The following ST7L variants were observed in gnomAD, a reference collection of about 807,000 sequenced individuals.
ST7L encodes suppressor of tumorigenicity 7 protein-like.
Under a neutral mutation model 72.5 loss-of-function variants are expected in ST7L, and 57 were observed. The ratio of observed to expected loss-of-function variants is 0.79; its 90% CI spans 0.64 to 0.98. The LOEUF (loss-of-function observed/expected upper bound fraction) is 0.98. Among genes scored for constraint, ST7L ranks in the 50% least tolerant of loss-of-function variants. The probability of loss-of-function intolerance (pLI) is 0.00; values close to 1 mark genes in which losing one functional copy is unlikely to be tolerated. For missense variants in ST7L, 576 were observed against 672.2 expected (o/e 0.86, Z 1.58); for synonymous variants, 221 against 240.9 (o/e 0.92, Z 0.77).
intron 11 of ST7L, among the ~76,000 whole-genome samples, chr1:112,574,431 G>A (rs1375798701): frequency 1.3e-5 from 2 of 151,712 alleles, no homozygotes; most frequent in Non-Finnish European, 2.9e-5. Flanking sequence ...AGGCCAAGGC[G>A]GGCGGATCAC....
intron 12 of ST7L, among the ~76,000 whole-genome samples, chr1:112,552,032 A>G (rs1361505192): frequency 6.6e-6 from 1 of 152,212 alleles, no homozygotes; most frequent in Non-Finnish European, 1.5e-5. Context: ...GCACGGCCAG[A>G]GCCTATCCTG....
intron 11 of ST7L, among the ~76,000 whole-genome samples, chr1:112,568,861 A>AATATAAATATAAATAAAT (rs61349207): frequency 2.6e-5 from 3 of 114,918 alleles, no homozygotes; most frequent in Non-Finnish European, 5.1e-5. Context: ...TATAAATATA[A>AATATAAATATAAATAAAT]ATATATATAT....
chr1:112,577,876 TAA>T (rs768650117), intron 10 of ST7L, among the ~76,000 whole-genome samples: 4 of 152,180 alleles, frequency 2.6e-5, no homozygotes, highest in Non-Finnish European at 1.5e-5. Context: ...GAGAATTCAC[TAA>T]GAGTAGCCAA....
intron 11 of ST7L, among the ~76,000 whole-genome samples, chr1:112,558,368 G>A (rs1659535733): frequency 6.6e-6 from 1 of 152,112 alleles, no homozygotes; most frequent in Admixed American, 6.5e-5. Context: ...CAAGCAATAA[G>A]ACTCTAGGAA....
Position 112,599,073 on chromosome 1 carries a change from A to AAAAAAATATAT in ST7L, c.507-988_507-987insATATATTTTTT, listed in dbSNP as rs1190968815. ...AGACTCAGCCTCAAAAAAAAAAAAA[A>AAAAAAATATAT]ATATATATATATATATATATATATA... is the stretch of plus-strand genomic sequence containing the variant. On this transcript the variant is annotated intron_variant, in intron 4 of 14. Transcript: ENST00000358039. 1.8e-3 allele frequency among the ~76,000 whole-genome samples: 103 copies of AAAAAAATATAT among 56,974 alleles called. 1 individual carries two copies. The highest frequency in any genetic ancestry group is 2.8e-3 in the East Asian group (3 of 1,070). The allele number at this position is 56,974 out of a possible 152,430, so 37.4% of individuals were successfully genotyped here. A position where few individuals can be genotyped will look rare whatever the true frequency, so the allele number is the denominator to read the frequency against.
intron 6 of ST7L, among the ~76,000 whole-genome samples, chr1:112,588,015 C>G (rs1378106410): frequency 6.6e-6 from 1 of 152,176 alleles, no homozygotes; most frequent in African/African-American, 2.4e-5. Context: ...CTTGCACCTC[C>G]TTGATTAAAT....
chr1:112,606,489 T>C (rs1303511210), intron 3 of ST7L, among the ~76,000 whole-genome samples: 1 of 152,140 alleles, frequency 6.6e-6, no homozygotes, highest in Non-Finnish European at 1.5e-5. Flanking sequence ...CATTTCCACT[T>C]GAGACCTCAC....
chr1:112,590,221 A>G (rs907081582), intron 6 of ST7L, among the ~76,000 whole-genome samples: 1 of 152,210 alleles, frequency 6.6e-6, no homozygotes, highest in African/African-American at 2.4e-5. Context: ...TTTGAAAATA[A>G]GGTCCATTCC....
intron 11 of ST7L, among the ~76,000 whole-genome samples, chr1:112,572,962 C>A (rs1419063099): frequency 2.0e-5 from 3 of 152,066 alleles, no homozygotes; most frequent in African/African-American, 7.2e-5. Flanking sequence ...AAAAACCCAA[C>A]AAAGCCAGAG....
At chr1:112,619,186 T>C (rs1415297095), upstream of ST7L, 1 of 1,462,154 alleles carries the variant, frequency 6.8e-7, no homozygotes, top group East Asian at 2.4e-5. Flanking sequence ...AATCCTGGGA[T>C]AGTGGCGGAC....
chr1:112,567,293 G>C (rs116131251), intron 11 of ST7L, among the ~76,000 whole-genome samples: 3,072 of 151,824 alleles, frequency 0.02, 107 homozygotes, highest in African/African-American at 0.07. Context: ...ATTTTCTTTT[G>C]TAGTATCTGT....
At chr1:112,572,354 C>T (rs1195450988) in intron 11 of ST7L, among the ~76,000 whole-genome samples, 3 of 152,202 alleles carry the variant, frequency 2.0e-5, no homozygotes. Context: ...TCCTCTGAAG[C>T]TTTGAAGCCA....
intron 12 of ST7L, among the ~76,000 whole-genome samples, chr1:112,551,390 C>T (rs892756756): frequency 3.3e-5 from 5 of 152,036 alleles, no homozygotes; most frequent in Admixed American, 3.3e-4. Context: ...CCTTGTGATC[C>T]ACCCACCTCG....
In ST7L at chr1:112,537,753, A is replaced by T. The variant is rs1171440984; in HGVS notation, c.1629+4198T>A. Among the ~76,000 whole-genome samples the T allele has an allele frequency of 2.0e-5, 3 of 152,236 alleles. No individual in the cohort carries two copies. In the East Asian group the frequency reaches 5.8e-4, roughly 29 times the overall value. On this transcript the variant is annotated intron_variant, in intron 14 of 14. Transcript: ENST00000358039. ...TTCCACATCTCCAGGGATTTATGCA[A>T]CACTTTTTCATTGCTCTGTGTCTAA...
intron 3 of ST7L, among the ~76,000 whole-genome samples, chr1:112,609,466 G>A (rs1003138748): frequency 6.6e-6 from 1 of 151,700 alleles, no homozygotes; most frequent in Non-Finnish European, 1.5e-5. Flanking sequence ...AGGAGGCAGA[G>A]GTCGCAGTGA....
chr1:112,569,481 A>G (rs1661684596), intron 11 of ST7L, among the ~76,000 whole-genome samples: 1 of 152,268 alleles, frequency 6.6e-6, no homozygotes, highest in South Asian at 2.1e-4. Flanking sequence ...AGTCCAGAAT[A>G]GGCAAATGCA....
intron 6 of ST7L, among the ~76,000 whole-genome samples, chr1:112,590,658 T>G (rs1665556050): frequency 6.6e-6 from 1 of 152,248 alleles, no homozygotes. Flanking sequence ...TAGATTAGTA[T>G]TTATTGATCT....
intron 11 of ST7L, chr1:112,570,803 A>G: frequency 2.2e-6 from 1 of 453,686 alleles, no homozygotes; most frequent in South Asian, 1.6e-5. Flanking sequence ...CTCCCAGTTC[A>G]TATAACATCA....
chr1:112,589,628 T>C (rs750074147), intron 6 of ST7L, among the ~76,000 whole-genome samples: 2 of 152,246 alleles, frequency 1.3e-5, no homozygotes, highest in Non-Finnish European at 2.9e-5. Context: ...GTGTGTGCTA[T>C]TTTAGCCTCG....
Sources: allele counts gnomAD v4.1 joint callset (sites outside exome capture counted in the v4.1 genomes callset), GRCh38; gene constraint gnomAD v4.1.1; transcripts MANE v1.5; gene names NCBI Gene and HGNC (gene_info 2026-07-23, HGNC 2026-07-21).